The following UST variants were observed in gnomAD, a reference collection of about 807,000 sequenced individuals.
UST encodes the protein chondroitin sulfate 2-O-sulfotransferase.
Under a neutral mutation model 45.6 loss-of-function variants are expected in UST, and 21 were observed. The ratio of observed to expected loss-of-function variants is 0.46; its 90% CI spans 0.33 to 0.66. The LOEUF is 0.66. UST is among the 30% of genes least tolerant of loss of function. The pLI is 0.02. For missense variants in UST, 463 were observed against 512.4 expected (o/e 0.90, Z 0.93); for synonymous variants, 215 against 200.6 (o/e 1.07, Z -0.61).
chr6:149,000,583 A>G (rs1305949886), intron 5 of UST, among the ~76,000 whole-genome samples: 1 of 152,174 alleles, frequency 6.6e-6, no homozygotes, highest in Non-Finnish European at 1.5e-5. Context: ...ATCCAATACC[A>G]AGAAAGGCAG....
chr6:148,886,522 T>C (rs184642544), intron 1 of UST, among the ~76,000 whole-genome samples: 2 of 152,134 alleles, frequency 1.3e-5, no homozygotes, highest in Non-Finnish European at 2.9e-5. Flanking sequence ...ACAGACAATT[T>C]TAAGACAAAT....
At chr6:148,961,061 A>G (rs1780647087) in intron 4 of UST, among the ~76,000 whole-genome samples, 1 of 152,202 alleles carries the variant, frequency 6.6e-6, no homozygotes, top group African/African-American at 2.4e-5. Flanking sequence ...AGTGAGAAAC[A>G]TGCAGTTATG....
rs554283127 is a variant in UST, at chr6:148,835,407, C to CT, written c.248-51578dup. Among the ~76,000 whole-genome samples, 324 of 152,276 alleles carry CT rather than the reference C, an allele frequency of 2.1e-3. 2 individuals carry two copies. Among genetic ancestry groups the CT allele is most frequent in the African/African-American group, 7.3e-3 (303 of 41,566 alleles). ...ACTGACATAGAAGGTGGTCAACAGT[C>CT]TATTTTCCAGTTGGGAGAAAGGCAG... On this transcript the variant is annotated intron_variant, in intron 1 of 7. Transcript: ENST00000367463.
chr6:148,877,828 A>G (rs1778718531), intron 1 of UST, among the ~76,000 whole-genome samples: 1 of 117,422 alleles, frequency 8.5e-6, no homozygotes, highest in Non-Finnish European at 1.7e-5. Context: ...GGGGTCATGT[A>G]TGAGTGCGAG....
At chr6:148,815,160 C>T (rs1315950999) in intron 1 of UST, among the ~76,000 whole-genome samples, 3 of 152,110 alleles carry the variant, frequency 2.0e-5, no homozygotes, top group African/African-American at 7.2e-5. Flanking sequence ...CAAAGTAGAG[C>T]ATATACATGA....
intron 2 of UST, among the ~76,000 whole-genome samples, chr6:148,894,528 G>C (rs1216005020): frequency 6.6e-6 from 1 of 152,172 alleles, no homozygotes; most frequent in Admixed American, 6.5e-5. Flanking sequence ...GAGCAGAGAA[G>C]CATGGAGCAG....
At chr6:149,050,420 G>A (rs1173022619) in intron 7 of UST, among the ~76,000 whole-genome samples, 1 of 152,184 alleles carries the variant, frequency 6.6e-6, no homozygotes, top group African/African-American at 2.4e-5. Context: ...ACCTAATAAA[G>A]TCTTCATGCT....
intron 5 of UST, among the ~76,000 whole-genome samples, chr6:148,983,906 G>A (rs1781186952): frequency 1.3e-5 from 2 of 152,274 alleles, no homozygotes; most frequent in African/African-American, 4.8e-5. Context: ...ACATCACACA[G>A]TGTACACATG....
chr6:148,909,061 A>G (rs1008001944), intron 2 of UST, among the ~76,000 whole-genome samples: 4 of 152,254 alleles, frequency 2.6e-5, no homozygotes, highest in African/African-American at 9.6e-5. Context: ...ATTAAGGATT[A>G]CAAGGATGTG....
At chr6:148,799,256 G>C (rs182319935) in intron 1 of UST, among the ~76,000 whole-genome samples, 15 of 152,338 alleles carry the variant, frequency 9.8e-5, no homozygotes, top group Non-Finnish European at 1.8e-4. Context: ...GGTTAAGGTA[G>C]TAATTTAGCG....
chr6:148,881,814 A>G (rs910567944), intron 1 of UST, among the ~76,000 whole-genome samples: 1 of 152,164 alleles, frequency 6.6e-6, no homozygotes, highest in African/African-American at 2.4e-5. Flanking sequence ...TCATCCTTTG[A>G]TCTCCACAGG....
chr6:149,008,811 A>T (rs1775756973), intron 5 of UST, among the ~76,000 whole-genome samples: 1 of 152,222 alleles, frequency 6.6e-6, no homozygotes, highest in East Asian at 1.9e-4. Context: ...ATTCATTCCC[A>T]AAGTATTTGA....
intron 7 of UST, among the ~76,000 whole-genome samples, chr6:149,024,066 T>C (rs1472906828): frequency 5.9e-5 from 9 of 152,252 alleles, no homozygotes; most frequent in Non-Finnish European, 1.3e-4. Context: ...TGTAGTGGGA[T>C]GAAAGGTTTC....
intron 6 of UST, 73 bp downstream of exon 6, chr6:149,019,309 G>T (rs188988790): frequency 8.7e-7 from 1 of 1,147,716 alleles, no homozygotes; most frequent in Non-Finnish European, 1.3e-6. Flanking sequence ...CCTGGTACTC[G>T]GTGGGAATCT....
chr6:148,768,595 C>CT (rs1028344615), intron 1 of UST, among the ~76,000 whole-genome samples: 7 of 152,112 alleles, frequency 4.6e-5, no homozygotes, highest in Admixed American at 2.0e-4. Flanking sequence ...TTTTCATTTA[C>CT]TTTTTAAATC....
intron 7 of UST, chr6:149,032,721 C>T (rs925838145): frequency 2.6e-5 from 4 of 152,542 alleles, no homozygotes; most frequent in African/African-American, 4.8e-5. Context: ...ACCTTGGCCT[C>T]GGGAGAGCCC....
chr6:148,933,534 G>A (rs1038348), intron 2 of UST, among the ~76,000 whole-genome samples: 9,639 of 152,170 alleles, frequency 0.063, 389 homozygotes, highest in South Asian at 0.13. Context: ...TGAGAAGCAC[G>A]CAGGATGTCA....
intron 5 of UST, among the ~76,000 whole-genome samples, chr6:148,987,024 G>A (rs1781250430): frequency 2.6e-5 from 4 of 152,200 alleles, no homozygotes. Flanking sequence ...TCATACAGAT[G>A]TATCTTTCTG....
rs760248567 is a variant in UST, at chr6:148,988,573, CAAAAAA to C, written c.681+24025_681+24030del. On this transcript the variant is annotated intron_variant, in intron 5 of 7. Coordinates refer to ENST00000367463, the MANE Select transcript of UST (RefSeq NM_005715.3). The stretch of plus-strand genomic sequence containing the variant: ...TGGGTGACAGAGAAAGACCCTGTCT[CAAAAAA>C]AAAAAAAAAAAAAAGCAAAAAACAA... Among the ~76,000 whole-genome samples the C allele has an allele frequency of 3.9e-3, 336 of 86,932 alleles. 3 individuals are homozygous for C. The highest frequency in any genetic ancestry group is 0.014 in the African/African-American group (324 of 23,020). The allele number at this position is 86,932 out of a possible 152,430, so 57.0% of individuals were successfully genotyped here. A position where few individuals can be genotyped will look rare whatever the true frequency, so the allele number is the denominator to read the frequency against.
Sources: allele counts gnomAD v4.1 joint callset (sites outside exome capture counted in the v4.1 genomes callset), GRCh38; gene constraint gnomAD v4.1.1; transcripts MANE v1.5; gene names NCBI Gene and HGNC (gene_info 2026-07-23, HGNC 2026-07-21).